The following SPTLC1 variants were observed in gnomAD, a reference collection of about 807,000 sequenced individuals.
SPTLC1 encodes serine palmitoyltransferase 1.
SPTLC1 carries 55 observed loss-of-function variants against 68.9 expected under a neutral mutation model. The ratio of observed to expected loss-of-function variants is 0.80; its 90% CI spans 0.64 to 1.00. SPTLC1 has a LOEUF of 1.00. Ranked by LOEUF, SPTLC1 falls within the 50% of genes least tolerant of loss-of-function variation. The pLI is 0.00. For synonymous variants in SPTLC1, 197 were observed against 201.6 expected, an observed-to-expected ratio of 0.98 and a Z score of 0.19; for missense variants, 449 against 573.1, an observed-to-expected ratio of 0.78 and a Z score of 2.21.
rs1216354184 is a variant in SPTLC1, at chr9:92,115,070, C to T, written c.57+244G>A. On this transcript the variant is annotated intron_variant, in intron 1 of 14. Coordinates refer to ENST00000262554, the MANE Select transcript of SPTLC1 (RefSeq NM_006415.4). Reference sequence around the variant, plus strand: ...TTACACGTGTTCCTTTCCGGAGCTTCCAGGGGACCCGGAGCATAAGAATTC... The same window carrying T: ...TTACACGTGTTCCTTTCCGGAGCTTTCAGGGGACCCGGAGCATAAGAATTC... 3 of 579,306 alleles carry T rather than the reference C, an allele frequency of 5.2e-6. No individual in the cohort carries two copies. The Admixed American group carries it at 8.9e-5, about 17-fold the overall frequency. The allele number at this position is 579,306 out of a possible 1,614,324, so 35.9% of individuals were successfully genotyped here.
intron 2 of SPTLC1, among the ~76,000 whole-genome samples, 159 bp downstream of exon 2, chr9:92,112,296 C>T (rs1455901708): frequency 6.6e-6 from 1 of 152,068 alleles, no homozygotes; most frequent in East Asian, 1.9e-4. Context: ...TCTAGATTTC[C>T]CCATATTTTG....
At chr9:92,044,016 C>G (rs1306133663) in intron 12 of SPTLC1, among the ~76,000 whole-genome samples, 1 of 152,138 alleles carries the variant, frequency 6.6e-6, no homozygotes, top group Non-Finnish European at 1.5e-5. Flanking sequence ...ATCTAGATAC[C>G]AGCACGGTTT....
rs938703907 is a variant in SPTLC1, at chr9:92,081,366, T to C, written c.261-403A>G. On this transcript the variant is annotated intron_variant, in intron 3 of 14. Transcript: ENST00000262554. Reference sequence around the variant, plus strand: ...AGGCAAGAATAGGCAGAGTGAGTTATGATCTTGCATAGTTAAACGGCTTAA... The same window carrying C: ...AGGCAAGAATAGGCAGAGTGAGTTACGATCTTGCATAGTTAAACGGCTTAA... 4.6e-5 allele frequency among the ~76,000 whole-genome samples: 7 copies of C among 152,336 alleles called. 1 individual carries two copies. Among genetic ancestry groups the C allele is most frequent in the Admixed American group, 3.3e-4 (5 of 15,300 alleles).
intron 13 of SPTLC1, among the ~76,000 whole-genome samples, chr9:92,037,160 C>T (rs965108765): frequency 9.2e-5 from 14 of 152,206 alleles, no homozygotes; most frequent in African/African-American, 3.4e-4. Context: ...AGGCTGCCTG[C>T]ACACCCGGTC....
At chr9:92,086,906 A>G (rs1309705348) in intron 3 of SPTLC1, among the ~76,000 whole-genome samples, 1 of 152,018 alleles carries the variant, frequency 6.6e-6, no homozygotes, top group Non-Finnish European at 1.5e-5. Context: ...TGGTCTTTTC[A>G]CATAGTCCCA....
At chr9:92,099,745 G>A (rs1446188701) in intron 3 of SPTLC1, among the ~76,000 whole-genome samples, 1 of 152,126 alleles carries the variant, frequency 6.6e-6, no homozygotes. Flanking sequence ...GCCTCCCAAA[G>A]TGCTGAGATT....
At chr9:92,081,227 G>C (rs1834874020) in intron 3 of SPTLC1, among the ~76,000 whole-genome samples, 1 of 152,206 alleles carries the variant, frequency 6.6e-6, no homozygotes, top group East Asian at 1.9e-4. Context: ...TGAATGAATG[G>C]CAAATCTTAA....
At position 92,037,974 on chromosome 9, in the gene SPTLC1, A is replaced by G. The variant is rs182032747; in HGVS notation, c.1254+274T>C. ...TAATTTTTCAGAGGAGAGGCCAAGT[A>G]TATTTAAATGCAAAGTGGTACAAAA... On this transcript the variant is annotated intron_variant, in intron 13 of 14. Transcript: ENST00000262554. Among the ~76,000 whole-genome samples the G allele has an allele frequency of 8.0e-4, 122 of 152,306 alleles. 1 individual carries two copies. Among genetic ancestry groups the G allele is most frequent in the Admixed American group, 1.9e-3 (29 of 15,300 alleles).
intron 12 of SPTLC1, among the ~76,000 whole-genome samples, chr9:92,042,622 A>G (rs1358282496): frequency 6.6e-5 from 10 of 151,810 alleles, no homozygotes; most frequent in Admixed American, 6.5e-4. Context: ...ATTTAAATAG[A>G]GAGCTCATGT....
At chr9:92,108,296 A>G (rs1836080547) in intron 3 of SPTLC1, 1 of 170,726 alleles carries the variant, frequency 5.9e-6, no homozygotes, top group Non-Finnish European at 1.3e-5. Context: ...GGCATAAGTG[A>G]GCGGAAGCTC....
intron 14 of SPTLC1, among the ~76,000 whole-genome samples, 186 bp from the exon 15 acceptor site, chr9:92,032,744 C>G (rs1342304970): frequency 6.6e-6 from 1 of 151,824 alleles, no homozygotes; most frequent in Admixed American, 6.6e-5. Flanking sequence ...AGTGTGGTGG[C>G]GGGTGCCTGT....
At chr9:92,057,144 C>A (rs1833921340) in intron 7 of SPTLC1, among the ~76,000 whole-genome samples, 2 of 152,216 alleles carry the variant, frequency 1.3e-5, no homozygotes, top group South Asian at 2.1e-4. Flanking sequence ...AGTTTTAGGA[C>A]CTGATTTTAA....
intron 3 of SPTLC1, among the ~76,000 whole-genome samples, chr9:92,096,148 T>C (rs1389670790): frequency 1.3e-5 from 2 of 152,158 alleles, no homozygotes; most frequent in African/African-American, 2.4e-5. Flanking sequence ...TGCAAAGTAA[T>C]AGACTAGAGG....
chr9:92,060,924 AAAC>A (rs1834077355), intron 6 of SPTLC1, among the ~76,000 whole-genome samples: 2 of 151,608 alleles, frequency 1.3e-5, no homozygotes, highest in South Asian at 2.1e-4. Context: ...AAAAAAAAAA[AAAC>A]AAAGAAAAAA....
chr9:92,106,315 A>G (rs1212522299), intron 3 of SPTLC1, among the ~76,000 whole-genome samples: 1 of 151,956 alleles, frequency 6.6e-6, no homozygotes, highest in Non-Finnish European at 1.5e-5. Flanking sequence ...CTCTACTGAA[A>G]ATACAAAAAT....
At chr9:92,073,284 T>C (rs1324833613) in intron 5 of SPTLC1, among the ~76,000 whole-genome samples, 2 of 152,212 alleles carry the variant, frequency 1.3e-5, no homozygotes, top group African/African-American at 4.8e-5. Context: ...CCACTTGGAA[T>C]GACTTAAATG....
intron 3 of SPTLC1, among the ~76,000 whole-genome samples, chr9:92,087,618 G>C (rs188751928): frequency 6.6e-6 from 1 of 152,172 alleles, no homozygotes; most frequent in Non-Finnish European, 1.5e-5. Context: ...TGTCTCAGAG[G>C]AGTACCCAGC....
At chr9:92,097,632 A>G (rs1182367667) in intron 3 of SPTLC1, among the ~76,000 whole-genome samples, 1 of 152,226 alleles carries the variant, frequency 6.6e-6, no homozygotes, top group Non-Finnish European at 1.5e-5. Flanking sequence ...GCAAGTCCAT[A>G]AAGTAGATAA....
At chr9:92,084,744 T>C (rs1430183431) in intron 3 of SPTLC1, among the ~76,000 whole-genome samples, 3 of 151,864 alleles carry the variant, frequency 2.0e-5, no homozygotes, top group Non-Finnish European at 4.4e-5. Context: ...ATCAGGATGA[T>C]GCTGGCCTCA....
Sources: gnomAD v4.1 joint callset for allele counts (sites outside exome capture counted in the v4.1 genomes callset) on GRCh38, gnomAD v4.1.1 for gene constraint, MANE v1.5 for transcripts, NCBI Gene and HGNC (gene_info 2026-07-23, HGNC 2026-07-21) for gene names.